Variants in KCNN2 observed in about 807,000 individuals in gnomAD.
KCNN2 encodes potassium calcium-activated channel subfamily N member 2.
KCNN2 carries 24 observed loss-of-function variants against 55.5 expected under a neutral mutation model. The ratio of observed to expected loss-of-function variants is 0.43; its 90% CI spans 0.31 to 0.61. The LOEUF (loss-of-function observed/expected upper bound fraction) is 0.61, where lower values mean the gene tolerates loss of function less well. KCNN2 is among the 20% of genes least tolerant of loss of function. KCNN2 has a pLI of 0.08. For missense variants in KCNN2, 754 were observed against 853.6 expected (o/e 0.88, Z 1.45); for synonymous variants, 431 against 336.1 (o/e 1.28, Z -3.09).
At chr5:114,063,310 T>G (rs983577011) in intron 1 of KCNN2, among the ~76,000 whole-genome samples, 8 of 152,266 alleles carry the variant, frequency 5.3e-5, no homozygotes, top group African/African-American at 1.9e-4. Context: ...ATTGATTGAC[T>G]CATCCTGCTA....
intron 3 of KCNN2, among the ~76,000 whole-genome samples, chr5:114,450,038 C>A (rs1348496883): frequency 6.6e-6 from 1 of 152,172 alleles, no homozygotes; most frequent in Non-Finnish European, 1.5e-5. Context: ...CTGAACTCTG[C>A]AGAGCAGCTG....
intron 1 of KCNN2, among the ~76,000 whole-genome samples, chr5:114,101,195 T>G (rs2112569295): frequency 6.6e-6 from 1 of 152,076 alleles, no homozygotes; most frequent in African/African-American, 2.4e-5. Context: ...TGGTCCACTT[T>G]TAAATCTTTG....
chr5:114,205,296 A>G (rs1016136334), intron 1 of KCNN2, among the ~76,000 whole-genome samples: 1 of 152,232 alleles, frequency 6.6e-6, no homozygotes, highest in East Asian at 1.9e-4. Context: ...GACACTGAGG[A>G]TATTAAGTTT....
chr5:114,226,958 A>AT (rs1371412373), intron 2 of KCNN2, among the ~76,000 whole-genome samples: 1 of 151,584 alleles, frequency 6.6e-6, no homozygotes, highest in African/African-American at 2.4e-5. Flanking sequence ...TGAGTATCTA[A>AT]TTTTTGTGGA....
chr5:114,309,482 G>A (rs111777175), intron 2 of KCNN2, among the ~76,000 whole-genome samples: 6 of 152,278 alleles, frequency 3.9e-5, no homozygotes, highest in African/African-American at 1.4e-4. Context: ...TATATGGTGA[G>A]TTTAATGTAT....
intron 2 of KCNN2, among the ~76,000 whole-genome samples, chr5:114,348,583 C>A (rs1020107880): frequency 6.6e-6 from 1 of 152,096 alleles, no homozygotes; most frequent in Admixed American, 6.5e-5. Context: ...TAAGAGAAAT[C>A]TAATTTCCAC....
intron 1 of KCNN2, among the ~76,000 whole-genome samples, chr5:114,144,038 G>C (rs912839415): frequency 2.6e-5 from 4 of 152,154 alleles, no homozygotes; most frequent in Non-Finnish European, 5.9e-5. Flanking sequence ...CAGATATACT[G>C]TCTAAAACTT....
chr5:114,406,925 A>C (rs1758954092), intron 3 of KCNN2, among the ~76,000 whole-genome samples: 1 of 152,146 alleles, frequency 6.6e-6, no homozygotes, highest in Non-Finnish European at 1.5e-5. Flanking sequence ...CTTAACTGGT[A>C]ATCAGCTGGA....
At chr5:114,308,224 G>C (rs1756326587) in intron 2 of KCNN2, among the ~76,000 whole-genome samples, 1 of 152,146 alleles carries the variant, frequency 6.6e-6, no homozygotes, top group Non-Finnish European at 1.5e-5. Context: ...ATTGCTATTT[G>C]ACTGGTAGGG....
At chr5:114,376,680 A>G (rs542650030) in intron 2 of KCNN2, among the ~76,000 whole-genome samples, 40 of 152,328 alleles carry the variant, frequency 2.6e-4, no homozygotes, top group Admixed American at 3.9e-4. Flanking sequence ...AGTGGGGTCC[A>G]AGCTATTGAT....
At chr5:114,157,575 T>G (rs375308851) in intron 1 of KCNN2, among the ~76,000 whole-genome samples, 1 of 152,124 alleles carries the variant, frequency 6.6e-6, no homozygotes, top group African/African-American at 2.4e-5. Context: ...CCTGAGGAAT[T>G]GCCACACTGA....
chr5:114,064,530 C>T (rs182913825), intron 1 of KCNN2, among the ~76,000 whole-genome samples: 115 of 152,274 alleles, frequency 7.6e-4, no homozygotes, highest in African/African-American at 2.6e-3. Flanking sequence ...TCTCTTAGAC[C>T]TTCTATCCCA....
Position 114,117,082 on chromosome 5 carries a change from C to T in KCNN2, c.-271+60582C>T, listed in dbSNP as rs149004414. ...AAACAATGTGAGTAGAAAACATAAG[C>T]AGAGAGCCAAGAGGGAAATTTAATT... is the stretch of plus-strand genomic sequence containing the variant. On this transcript the variant is annotated intron_variant, in intron 1 of 10. Coordinates refer to the KCNN2 transcript ENST00000512097. Among the ~76,000 whole-genome samples the T allele has an allele frequency of 1.1e-3, 172 of 152,184 alleles. 1 individual carries two copies. Among genetic ancestry groups the T allele is most frequent in the African/African-American group, 4.0e-3 (166 of 41,524 alleles).
At chr5:114,380,108 G>A (rs1291955580) in intron 2 of KCNN2, among the ~76,000 whole-genome samples, 1 of 151,882 alleles carries the variant, frequency 6.6e-6, no homozygotes, top group Non-Finnish European at 1.5e-5. Context: ...ATTATGGGTT[G>A]TAGTACAAAT....
intron 2 of KCNN2, among the ~76,000 whole-genome samples, chr5:114,384,553 CTG>C (rs1758220172): frequency 6.6e-6 from 1 of 152,186 alleles, no homozygotes. Context: ...TAATTCAAGA[CTG>C]AGAGCATTTT....
At chr5:114,207,191 A>G (rs972857898) in intron 1 of KCNN2, among the ~76,000 whole-genome samples, 4 of 152,116 alleles carry the variant, frequency 2.6e-5, no homozygotes, top group African/African-American at 9.7e-5. Flanking sequence ...GGACCGTCAA[A>G]CACCCTCTCA....
At chr5:114,494,159 G>A (rs1747996238) in intron 7 of KCNN2, among the ~76,000 whole-genome samples, 1 of 151,630 alleles carries the variant, frequency 6.6e-6, no homozygotes, top group African/African-American at 2.4e-5. Context: ...ATTTTCCTGG[G>A]TGAATTCTAA....
At chr5:114,114,780 A>T (rs552606393) in intron 1 of KCNN2, among the ~76,000 whole-genome samples, 5 of 152,268 alleles carry the variant, frequency 3.3e-5, no homozygotes, top group African/African-American at 1.2e-4. Flanking sequence ...GCCAAGCATT[A>T]GGCTCTCGTG....
chr5:114,070,152 T>C (rs1051821868), intron 1 of KCNN2, among the ~76,000 whole-genome samples: 1 of 152,208 alleles, frequency 6.6e-6, no homozygotes, highest in Non-Finnish European at 1.5e-5. Context: ...TGTCTTGCTC[T>C]GATAGTTGAG....
Sources: allele counts gnomAD v4.1 joint callset (sites outside exome capture counted in the v4.1 genomes callset), GRCh38; gene constraint gnomAD v4.1.1; transcripts MANE v1.5; gene names NCBI Gene and HGNC (gene_info 2026-07-23, HGNC 2026-07-21).